The following HPS6 variants were observed in gnomAD, a reference collection of about 807,000 sequenced individuals.
The protein encoded by HPS6 is HPS6 biogenesis of lysosomal organelles complex 2 subunit 3.
HPS6 carries 46 observed loss-of-function variants against 53.6 expected under a neutral mutation model. The ratio of observed to expected loss-of-function variants is 0.86; its 90% CI spans 0.68 to 1.10. The LOEUF is 1.10. Among genes scored for constraint, HPS6 ranks in the 50% least tolerant of loss-of-function variants. HPS6 has a pLI of 0.00. For synonymous variants in HPS6, 535 were observed against 470.8 expected (o/e 1.14, Z -1.77); for missense variants, 1,034 against 991.3 (o/e 1.04, Z -0.58).
rs2067967134 is a variant in HPS6 at position 102,066,063 on chromosome 10, T to G, written c.589T>G (p.Cys197Gly). 6.2e-7 allele frequency: 1 copy of G among 1,611,452 alleles called. No homozygotes were observed. Among genetic ancestry groups the G allele is most frequent in the East Asian group, 2.2e-5 (1 of 44,892 alleles). The change falls in exon 1 of 1, where the codon TGC becomes GGC. Residue 197 changes from cysteine to glycine, a missense_variant. Cys to Gly is a radical substitution (Grantham distance 159). Coordinates refer to ENST00000299238, the MANE Select transcript of HPS6 (RefSeq NM_024747.6). ...CCCTGCCTTCGGGCTGCTGGCCTCC[T>G]GCAGACAACTCTTCCTGGTGCCCAC... is the stretch of plus-strand genomic sequence containing the variant. Reference protein sequence around the residue: ...HCPAFGLLASCRQLFLVPTAT... With the variant: ...HCPAFGLLASGRQLFLVPTAT...
In HPS6 at chr10:102,067,176, C is replaced by G; in HGVS notation, c.1702C>G (p.Leu568Val). Reference protein sequence around the residue: ...PNGILPPFELLCQCLCQLEPR... With the variant: ...PNGILPPFELVCQCLCQLEPR... ...TGGAATACTGCCCCCCTTTGAACTC[C>G]TGTGCCAGTGTCTGTGCCAGCTGGA... The change falls in exon 1 of 1, where the codon CTG becomes GTG. Residue 568 changes from leucine (L) to valine (V), a missense_variant. Physicochemically the swap from Leu to Val is conservative, Grantham distance 32. Transcript: ENST00000299238. The G allele has an allele frequency of 5.0e-6, 8 of 1,613,422 alleles. No homozygotes were observed. The highest frequency in any genetic ancestry group is 6.8e-6 in the Non-Finnish European group (8 of 1,180,008).
chr10:102,065,735 A>G lies in HPS6; in HGVS notation c.261A>G (p.Pro87=). ...SPLDAFFLPW[P]ARPALVLVWE... is the part of the protein sequence containing the mutation. ...TGGACGCCTTCTTCCTGCCGTGGCCAGCGCGGCCGGCGCTGGTGCTGGTGT... is the reference window on the plus strand; with the variant it reads ...TGGACGCCTTCTTCCTGCCGTGGCCGGCGCGGCCGGCGCTGGTGCTGGTGT... Residue 87 remains proline, a synonymous_variant, in exon 1 of 1, where the codon CCA becomes CCG. Coordinates refer to ENST00000299238, the MANE Select transcript of HPS6 (RefSeq NM_024747.6). 6.7e-7 allele frequency: 1 copy of G among 1,501,712 alleles called. No homozygotes were observed. Among genetic ancestry groups the G allele is most frequent in the Middle Eastern group, 2.3e-4 (1 of 4,306 alleles). The allele number at this position is 1,501,712 out of a possible 1,614,324, so 93.0% of individuals were successfully genotyped here. A position where few individuals can be genotyped will look rare whatever the true frequency, so the allele number is the denominator to read the frequency against.
chr10:102,067,687 C>T lies in HPS6; in HGVS notation c.2213C>T (p.Ala738Val). 6.2e-7 allele frequency: 1 copy of T among 1,613,850 alleles called. No homozygotes were observed. The highest frequency in any genetic ancestry group is 8.5e-7 in the Non-Finnish European group (1 of 1,180,022). ...EPPLTVGLLK[A>V]LLEQTGAQGW... ...CCTCTCACTGTGGGCTTGCTCAAAGCCCTGCTGGAGCAGACTGGGGCTCAA... is the reference window on the plus strand; with the variant it reads ...CCTCTCACTGTGGGCTTGCTCAAAGTCCTGCTGGAGCAGACTGGGGCTCAA... The change falls in exon 1 of 1, where the codon GCC becomes GTC. Residue 738 changes from alanine to valine, a missense_variant. Coordinates refer to ENST00000299238, the MANE Select transcript of HPS6 (RefSeq NM_024747.6).
chr10:102,065,905 G>A lies in HPS6; in HGVS notation c.431G>A (p.Arg144Gln), dbSNP rs751248778. 1 of 1,541,752 alleles carries A rather than the reference G, an allele frequency of 6.5e-7. No homozygotes were observed. The highest frequency in any genetic ancestry group is 8.7e-7 in the Non-Finnish European group (1 of 1,151,186). ...GGCCGCCTGGTGTGGTGCGAGGAGCGGCAGGCCCGGGCCGAGGGCCCGTCA... is the reference window on the plus strand; with the variant it reads ...GGCCGCCTGGTGTGGTGCGAGGAGCAGCAGGCCCGGGCCGAGGGCCCGTCA... Reference protein sequence around the residue: ...LRGRLVWCEERQARAEGPSGS... With the variant: ...LRGRLVWCEEQQARAEGPSGS... The change falls in exon 1 of 1, where the codon CGG becomes CAG. Residue 144 changes from arginine to glutamine, a missense_variant. Transcript: ENST00000299238.
Position 102,066,476 on chromosome 10 carries a change from G to A in HPS6, c.1002G>A (p.Leu334=), listed in dbSNP as rs200891467. ...LACVLGSTLE[L]LDMGSGQLLE... The stretch of plus-strand genomic sequence containing the variant: ...GTGTGCTGGGCTCCACATTGGAACT[G>A]CTGGACATGGGCAGTGGGCAGCTGC... Residue 334 remains leucine, a synonymous_variant, in exon 1 of 1, where the codon CTG becomes CTA. Transcript: ENST00000299238. 438 of 1,614,210 alleles carry A rather than the reference G, an allele frequency of 2.7e-4. 2 individuals carry two copies. The Admixed American group carries it at 7.2e-3, about 26-fold the overall frequency.
rs1363740743 is a variant in HPS6 at position 102,067,527 on chromosome 10, G to T, written c.2053G>T (p.Asp685Tyr). 6.2e-7 allele frequency: 1 copy of T among 1,613,704 alleles called. No individual in the cohort carries two copies. The highest frequency in any genetic ancestry group is 2.2e-5 in the East Asian group (1 of 44,890). Residue 685 changes from aspartate (D) to tyrosine (Y), a missense_variant, in exon 1 of 1, where the codon GAT becomes TAT. By Grantham distance (160) the Asp-to-Tyr change is radical (BLOSUM62 -3). Coordinates refer to ENST00000299238, the MANE Select transcript of HPS6 (RefSeq NM_024747.6). Reference protein sequence around the residue: ...LAEFAQHRRLDAHLPLLCRLC... With the variant: ...LAEFAQHRRLYAHLPLLCRLC... ...CGAGTTTGCCCAGCACCGCCGGCTT[G>T]ATGCTCACCTCCCCCTCCTTTGCCG...
In HPS6 at chr10:102,067,538, C is replaced by T. The variant is rs1308484746; in HGVS notation, c.2064C>T (p.Leu688=). Reference sequence around the variant, plus strand: ...AGCACCGCCGGCTTGATGCTCACCTCCCCCTCCTTTGCCGCCTGTGCCCAC... The same window carrying T: ...AGCACCGCCGGCTTGATGCTCACCTTCCCCTCCTTTGCCGCCTGTGCCCAC... ...FAQHRRLDAH[L]PLLCRLCPPE... Residue 688 remains leucine, a synonymous_variant, in exon 1 of 1, where the codon CTC becomes CTT. Transcript: ENST00000299238. 1.2e-6 allele frequency: 2 copies of T among 1,613,568 alleles called. No individual in the cohort carries two copies. The highest frequency in any genetic ancestry group is 2.2e-5 in the East Asian group (1 of 44,900).
chr10:102,067,247 C>T lies in HPS6; in HGVS notation c.1773C>T (p.Gly591=), dbSNP rs780543930. 1.3e-5 allele frequency: 11 copies of T among 847,776 alleles called. No homozygotes were observed. The highest frequency in any genetic ancestry group is 4.1e-5 in the East Asian group (1 of 24,352). 52.5% of individuals were successfully genotyped at this position (847,776 alleles called of 1,614,324 possible). A position where few individuals can be genotyped will look rare whatever the true frequency, so the allele number is the denominator to read the frequency against. Residue 591 remains glycine (G), a synonymous_variant, in exon 1 of 1, where the codon GGC becomes GGT. Transcript: ENST00000299238. The stretch of plus-strand genomic sequence containing the variant: ...TTGTGGAGCTGGCACAGCAGCAGGG[C>T]GGGCCGGGCTGGGGGGCAGGGGGCC... ...PPFVELAQQQ[G]GPGWGAGGPG...
chr10:102,066,535 A>G lies in HPS6; in HGVS notation c.1061A>G (p.His354Arg), dbSNP rs1188207426. ...ERKVLSTDRVHLLEPPAPGME... is the reference protein window; with the variant it reads ...ERKVLSTDRVRLLEPPAPGME... Reference sequence around the variant, plus strand: ...AAGGTCCTAAGTACAGACAGGGTACATCTGCTAGAACCGCCAGCCCCCGGC... The same window carrying G: ...AAGGTCCTAAGTACAGACAGGGTACGTCTGCTAGAACCGCCAGCCCCCGGC... The change falls in exon 1 of 1, where the codon CAT (histidine) becomes CGT (arginine). Residue 354 changes from histidine to arginine, a missense_variant. Transcript: ENST00000299238. 8.7e-6 allele frequency: 14 copies of G among 1,614,162 alleles called. No individual in the cohort carries two copies. Among genetic ancestry groups the G allele is most frequent in the Middle Eastern group, 1.6e-4 (1 of 6,062 alleles).
At position 102,066,674 on chromosome 10, in the gene HPS6, G is replaced by C. The variant is rs757195826; in HGVS notation, c.1200G>C (p.Lys400Asn). The C allele has an allele frequency of 1.2e-6, 2 of 1,613,972 alleles. No homozygotes were observed. The highest frequency in any genetic ancestry group is 1.7e-6 in the Non-Finnish European group (2 of 1,180,048). Residue 400 changes from lysine (K) to asparagine (N), a missense_variant, in exon 1 of 1, where the codon AAG becomes AAC. Lys to Asn is a moderately conservative substitution (Grantham distance 94). Coordinates refer to ENST00000299238, the MANE Select transcript of HPS6 (RefSeq NM_024747.6). ...AGGGTGTTGAGTTGCCTTCAGCCAA[G>C]GATCTGGTGTTTGAGGAGGCCTGCG... ...APQGVELPSA[K>N]DLVFEEACGY...
Position 102,067,175 on chromosome 10 carries a change from C to G in HPS6, c.1701C>G (p.Leu567=). The G allele has an allele frequency of 6.2e-7, 1 of 1,613,516 alleles. No individual in the cohort carries two copies. The highest frequency in any genetic ancestry group is 8.5e-7 in the Non-Finnish European group (1 of 1,180,014). ...PPNGILPPFE[L]LCQCLCQLEP... is the part of the protein sequence containing the mutation. The stretch of plus-strand genomic sequence containing the variant: ...ATGGAATACTGCCCCCCTTTGAACT[C>G]CTGTGCCAGTGTCTGTGCCAGCTGG... Residue 567 remains leucine, a synonymous_variant, in exon 1 of 1, where the codon CTC becomes CTG. Coordinates refer to ENST00000299238, the MANE Select transcript of HPS6 (RefSeq NM_024747.6).
In HPS6 at chr10:102,067,695, G is replaced by T; in HGVS notation, c.2221G>T (p.Glu741Ter). Reference sequence around the variant, plus strand: ...TGTGGGCTTGCTCAAAGCCCTGCTGGAGCAGACTGGGGCTCAAGGATGGCT... The same window carrying T: ...TGTGGGCTTGCTCAAAGCCCTGCTGTAGCAGACTGGGGCTCAAGGATGGCT... ...LTVGLLKALL[E>*]QTGAQGWLSG... The change falls in exon 1 of 1, where the codon GAG becomes TAG. Residue 741 changes from glutamate to a stop codon, truncating the protein, a stop_gained. Transcript: ENST00000299238. LOFTEE classifies it high-confidence loss of function. The T allele has an allele frequency of 6.2e-7, 1 of 1,613,822 alleles. No individual in the cohort carries two copies. Among genetic ancestry groups the T allele is most frequent in the Non-Finnish European group, 8.5e-7 (1 of 1,180,008 alleles).
In HPS6 at chr10:102,066,954, C is replaced by T. The variant is rs138737640; in HGVS notation, c.1480C>T (p.Leu494=). ...GGCGGAGCAGGAAGTGGCACGCCTG[C>T]TGAGGACTGAGTTGATAGGAGACCA... ...ELAEQEVARL[L]RTELIGDQLA... Residue 494 remains leucine, a synonymous_variant, in exon 1 of 1, where the codon CTG becomes TTG. Transcript: ENST00000299238. 5.6e-5 allele frequency: 91 copies of T among 1,614,044 alleles called. No homozygotes were observed. Among genetic ancestry groups the T allele is most frequent in the Non-Finnish European group, 7.2e-5 (85 of 1,180,026 alleles).
In HPS6 at chr10:102,065,579, TG is replaced by T; in HGVS notation, c.107del (p.Gly36AlafsTer17). 1 of 1,545,688 alleles carries T rather than the reference TG, an allele frequency of 6.5e-7. No individual in the cohort carries two copies. The highest frequency in any genetic ancestry group is 8.6e-7 in the Non-Finnish European group (1 of 1,158,140). ...VAGDSAVRVR[G>X]SPDGRHLLLL... ...CCGGGGACTCAGCGGTCCGAGTCCG[TG>T]GCAGTCCGGACGGCCGCCACTTGCT... On this transcript the variant is annotated frameshift_variant, in exon 1 of 1. Coordinates refer to ENST00000299238, the MANE Select transcript of HPS6 (RefSeq NM_024747.6). LOFTEE classifies it high-confidence loss of function.
At position 102,065,561 on chromosome 10, in the gene HPS6, C is replaced by T; in HGVS notation, c.87C>T (p.Asp29=). The change falls in exon 1 of 1, where the codon GAC becomes GAT. Residue 29 remains aspartate, a synonymous_variant. Transcript: ENST00000299238. ...GGCTCCGGGAGCTGGTGGCCGGGGA[C>T]TCAGCGGTCCGAGTCCGTGGCAGTC... ...AARLRELVAG[D]SAVRVRGSPD... is the part of the protein sequence containing the mutation. The T allele has an allele frequency of 6.5e-7, 1 of 1,549,344 alleles. No homozygotes were observed. The highest frequency in any genetic ancestry group is 1.2e-5 in the South Asian group (1 of 84,772).
chr10:102,065,721 T>C lies in HPS6; in HGVS notation c.247T>C (p.Phe83Leu). ...CCAGCCCTCCCCGCTGGACGCCTTC[T>C]TCCTGCCGTGGCCAGCGCGGCCGGC... ...AGQPSPLDAF[F>L]LPWPARPALV... The change falls in exon 1 of 1, where the codon TTC becomes CTC. Residue 83 changes from phenylalanine to leucine, a missense_variant. Phe to Leu is a conservative substitution (Grantham distance 22). Transcript: ENST00000299238. The C allele has an allele frequency of 6.6e-7, 1 of 1,504,906 alleles. No individual in the cohort carries two copies. Among genetic ancestry groups the C allele is most frequent in the South Asian group, 1.2e-5 (1 of 80,838 alleles). The allele number at this position is 1,504,906 out of a possible 1,614,324, so 93.2% of individuals were successfully genotyped here.
rs2067978001 is a variant in HPS6 at position 102,067,177 on chromosome 10, T to C, written c.1703T>C (p.Leu568Pro). 1 of 1,613,238 alleles carries C rather than the reference T, an allele frequency of 6.2e-7. No homozygotes were observed. Among genetic ancestry groups the C allele is most frequent in the South Asian group, 1.1e-5 (1 of 91,084 alleles). Residue 568 changes from leucine to proline, a missense_variant, in exon 1 of 1, where the codon CTG (leucine) becomes CCG (proline). Physicochemically the swap from Leu to Pro is moderately conservative, Grantham distance 98. Transcript: ENST00000299238. ...GGAATACTGCCCCCCTTTGAACTCC[T>C]GTGCCAGTGTCTGTGCCAGCTGGAG... ...PNGILPPFEL[L>P]CQCLCQLEPR... is the part of the protein sequence containing the mutation.
In HPS6 at chr10:102,067,307, G is replaced by T; in HGVS notation, c.1833G>T (p.Val611=). Residue 611 remains valine, a synonymous_variant, in exon 1 of 1, where the codon GTG becomes GTT. Coordinates refer to ENST00000299238, the MANE Select transcript of HPS6 (RefSeq NM_024747.6). ...GLPLYRRALA[V]LGEEGTRPEA... ...CCCTGTATCGCCGAGCTCTGGCAGT[G>T]CTAGGTGAGGAGGGGACCAGGCCTG... The T allele has an allele frequency of 6.2e-7, 1 of 1,613,198 alleles. No homozygotes were observed. Among genetic ancestry groups the T allele is most frequent in the Non-Finnish European group, 8.5e-7 (1 of 1,179,852 alleles).
Position 102,065,734 on chromosome 10 carries a change from C to T in HPS6, c.260C>T (p.Pro87Leu), listed in dbSNP as rs1480333541. 9 of 1,502,078 alleles carry T rather than the reference C, an allele frequency of 6.0e-6. No individual in the cohort carries two copies. The highest frequency in any genetic ancestry group is 7.9e-6 in the Non-Finnish European group (9 of 1,133,462). 93.0% of individuals were successfully genotyped at this position (1,502,078 alleles called of 1,614,324 possible). Residue 87 changes from proline (P) to leucine (L), a missense_variant, in exon 1 of 1, where the codon CCA becomes CTA. Pro to Leu is a moderately conservative substitution (Grantham distance 98). Coordinates refer to ENST00000299238, the MANE Select transcript of HPS6 (RefSeq NM_024747.6). ...SPLDAFFLPWPARPALVLVWE... is the reference protein window; with the variant it reads ...SPLDAFFLPWLARPALVLVWE... ...CTGGACGCCTTCTTCCTGCCGTGGC[C>T]AGCGCGGCCGGCGCTGGTGCTGGTG...
Sources: allele counts gnomAD v4.1 joint callset, GRCh38; gene constraint gnomAD v4.1.1; transcripts MANE v1.5; gene names NCBI Gene and HGNC (gene_info 2026-07-23, HGNC 2026-07-21).